HDAC9: variants seen among roughly 807,000 people sequenced by gnomAD.
HDAC9 encodes MEF-2 interacting transcription repressor (MITR) protein.
HDAC9 carries 41 observed loss-of-function variants against 139.4 expected under a neutral mutation model. The ratio of observed to expected loss-of-function variants is 0.29; its 90% CI spans 0.23 to 0.38. HDAC9 has a LOEUF of 0.38. Among genes scored for constraint, HDAC9 ranks in the 10% least tolerant of loss-of-function variants. HDAC9 has a pLI of 1.00. For synonymous variants in HDAC9, 517 were observed against 476.2 expected (o/e 1.09, Z -1.12); for missense variants, 1,147 against 1,297.0 (o/e 0.88, Z 1.78).
chr7:18,314,045 C>CTAAGAAT (rs1247134900), intron 1 of HDAC9, among the ~76,000 whole-genome samples: 8 of 152,228 alleles, frequency 5.3e-5, no homozygotes, highest in African/African-American at 1.7e-4. Context: ...GGCCAGCTTC[C>CTAAGAAT]AAGCAAGAGA....
chr7:18,478,013 C>G (rs1277821282), intron 1 of HDAC9, among the ~76,000 whole-genome samples: 1 of 151,908 alleles, frequency 6.6e-6, no homozygotes, highest in Non-Finnish European at 1.5e-5. Context: ...GGGTTGTAAA[C>G]AGACATGAAT....
chr7:18,716,118 T>TC (rs1380761514), intron 12 of HDAC9, among the ~76,000 whole-genome samples: 1 of 152,214 alleles, frequency 6.6e-6, no homozygotes, highest in Non-Finnish European at 1.5e-5. Flanking sequence ...AACCTCTTTT[T>TC]CCCCTCCTTC....
intron 1 of HDAC9, among the ~76,000 whole-genome samples, chr7:18,448,208 T>C (rs1275643356): frequency 6.6e-6 from 1 of 152,204 alleles, no homozygotes; most frequent in Non-Finnish European, 1.5e-5. Flanking sequence ...CTGTGATTGT[T>C]ATAAATTATT....
chr7:18,356,272 C>T (rs1442829152), intron 1 of HDAC9, among the ~76,000 whole-genome samples: 3 of 145,810 alleles, frequency 2.1e-5, no homozygotes, highest in Non-Finnish European at 4.5e-5. Context: ...TTGGCAAAGA[C>T]AAATTCTTCC....
At chr7:18,893,708 T>C (rs1800907337) in intron 22 of HDAC9, among the ~76,000 whole-genome samples, 1 of 152,038 alleles carries the variant, frequency 6.6e-6, no homozygotes, top group Non-Finnish European at 1.5e-5. Context: ...TAAGCAAACA[T>C]AGAGTACATT....
At chr7:18,490,100 A>G (rs113387497) in intron 1 of HDAC9, among the ~76,000 whole-genome samples, 2,037 of 152,182 alleles carry the variant, frequency 0.013, 45 homozygotes, top group African/African-American at 0.046. Context: ...AATGTTGGCT[A>G]ATTTGAAATC....
chr7:18,944,452 C>T (rs969153679), intron 23 of HDAC9, among the ~76,000 whole-genome samples: 4 of 152,156 alleles, frequency 2.6e-5, no homozygotes, highest in African/African-American at 9.7e-5. Context: ...GACAGTAATA[C>T]AGTGGAAAGA....
chr7:18,759,018 G>T (rs1789135290), intron 14 of HDAC9, among the ~76,000 whole-genome samples: 1 of 152,048 alleles, frequency 6.6e-6, no homozygotes, highest in Admixed American at 6.6e-5. Context: ...TAAGGAGAAG[G>T]AGAAAAAGAT....
chr7:18,466,075 C>T (rs933906133), intron 1 of HDAC9, among the ~76,000 whole-genome samples: 1 of 152,186 alleles, frequency 6.6e-6, no homozygotes, highest in Non-Finnish European at 1.5e-5. Context: ...GCTTGTTGCT[C>T]ATGCAAGTTG....
At chr7:18,657,566 G>T (rs536939997) in intron 11 of HDAC9, among the ~76,000 whole-genome samples, 63 of 152,182 alleles carry the variant, frequency 4.1e-4, no homozygotes, top group Middle Eastern at 3.4e-3. Context: ...ATTTTTAAAA[G>T]GACATAAAAT....
chr7:18,585,221 T>G (rs1829088301), intron 2 of HDAC9, 60 bp from the exon 3 acceptor site: 5 of 1,571,214 alleles, frequency 3.2e-6, no homozygotes, highest in Non-Finnish European at 4.3e-6. Context: ...ATCAATGTGC[T>G]AATTTCCAAT....
At chr7:18,545,546 GC>G (rs2128634171) in intron 2 of HDAC9, among the ~76,000 whole-genome samples, 1 of 152,198 alleles carries the variant, frequency 6.6e-6, no homozygotes, top group African/African-American at 2.4e-5. Context: ...TTATGGATAT[GC>G]CACGGGCACC....
Position 18,732,618 on chromosome 7 carries a change from TAC to T in HDAC9, c.1909+4868_1909+4869del, listed in dbSNP as rs1293790441. On this transcript the variant is annotated intron_variant, in intron 13 of 25. Coordinates refer to ENST00000686413, the MANE Select transcript of HDAC9 (RefSeq NM_178425.4). The stretch of plus-strand genomic sequence containing the variant: ...GTGTATATGTGTGCATATGTGTATA[TAC>T]ACACACGTGTATATGTGTGCATATG... Among the ~76,000 whole-genome samples, 30 of 97,172 alleles carry T rather than the reference TAC, an allele frequency of 3.1e-4. 5 individuals are homozygous for T. The highest frequency in any genetic ancestry group is 4.4e-4 in the Non-Finnish European group (21 of 47,328). 63.7% of individuals were successfully genotyped at this position (97,172 alleles called of 152,430 possible).
chr7:18,269,028 A>G (rs997490210), intron 2 of HDAC9, among the ~76,000 whole-genome samples: 5 of 152,170 alleles, frequency 3.3e-5, no homozygotes, highest in Admixed American at 2.6e-4. Flanking sequence ...TAAATATTGC[A>G]TTTATAGTTA....
At chr7:18,584,244 C>T (rs905123472) in intron 2 of HDAC9, among the ~76,000 whole-genome samples, 1 of 146,828 alleles carries the variant, frequency 6.8e-6, no homozygotes, top group African/African-American at 2.5e-5. Flanking sequence ...AGGTTCACGC[C>T]ATTCTCCTGC....
chr7:18,917,603 G>A (rs1159708939), intron 22 of HDAC9, among the ~76,000 whole-genome samples: 1 of 151,906 alleles, frequency 6.6e-6, no homozygotes, highest in Non-Finnish European at 1.5e-5. Context: ...ATGGAAAGAA[G>A]GACACGAGTG....
intron 2 of HDAC9, among the ~76,000 whole-genome samples, chr7:18,228,711 T>G (rs1793237796): frequency 6.6e-6 from 1 of 152,174 alleles, no homozygotes; most frequent in African/African-American, 2.4e-5. Context: ...CTCTTGTCTT[T>G]ATGTTTTCAG....
chr7:18,180,870 C>G (rs1029613283), intron 2 of HDAC9, among the ~76,000 whole-genome samples: 12 of 152,198 alleles, frequency 7.9e-5, no homozygotes, highest in African/African-American at 2.9e-4. Flanking sequence ...CACAAAGACT[C>G]CAGGGGACAA....
chr7:18,907,984 A>G (rs1243809557), intron 22 of HDAC9, among the ~76,000 whole-genome samples: 1 of 152,174 alleles, frequency 6.6e-6, no homozygotes, highest in African/African-American at 2.4e-5. Context: ...CCAGGATAGA[A>G]TGTTTTATTC....
Sources: gnomAD v4.1 joint callset for allele counts (sites outside exome capture counted in the v4.1 genomes callset) on GRCh38, gnomAD v4.1.1 for gene constraint, MANE v1.5 for transcripts, NCBI Gene and HGNC (gene_info 2026-07-23, HGNC 2026-07-21) for gene names.